WDR72: variants seen among roughly 807,000 people sequenced by gnomAD.
WDR72 encodes the protein WD repeat-containing protein 72.
Under a neutral mutation model 124.2 loss-of-function variants are expected in WDR72, and 120 were observed. The observed-to-expected ratio is 0.97, with a 90% CI of 0.83 to 1.12. The LOEUF (loss-of-function observed/expected upper bound fraction) is 1.12. Among genes scored for constraint, WDR72 ranks in the 50% most tolerant of loss-of-function variants. The pLI is 0.00. For synonymous variants in WDR72, 452 were observed against 441.7 expected (o/e 1.02, Z -0.29); for missense variants, 1,387 against 1,278.8 (o/e 1.08, Z -1.29).
At chr15:53,685,945 A>C (rs977275799) in intron 13 of WDR72, among the ~76,000 whole-genome samples, 1 of 142,344 alleles carries the variant, frequency 7.0e-6, no homozygotes, top group African/African-American at 2.7e-5. Context: ...CCAGAATTTC[A>C]TATCCAGCCA....
Position 53,530,331 on chromosome 15 carries a change from C to A in WDR72, c.3149-7009G>T, listed in dbSNP as rs187845232. On this transcript the variant is annotated intron_variant, in intron 18 of 19. Coordinates refer to ENST00000360509, the MANE Select transcript of WDR72 (RefSeq NM_182758.4). ...TACAGATAATGAAGAAAAAGAGATT[C>A]AGAAACATCTGAAAGGATCTGTTCA... Among the ~76,000 whole-genome samples the A allele has an allele frequency of 2.5e-4, 38 of 151,810 alleles. 1 individual carries two copies. The highest frequency in any genetic ancestry group is 8.7e-4 in the African/African-American group (36 of 41,462).
At chr15:53,525,493 GC>G (rs1324717591) in intron 18 of WDR72, among the ~76,000 whole-genome samples, 2 of 151,880 alleles carry the variant, frequency 1.3e-5, no homozygotes, top group Non-Finnish European at 2.9e-5. Flanking sequence ...TATTTATCAA[GC>G]ACCAAATAAA....
At chr15:53,659,238 A>G (rs1031755) in intron 14 of WDR72, among the ~76,000 whole-genome samples, 1 of 152,032 alleles carries the variant, frequency 6.6e-6, no homozygotes, top group African/African-American at 2.4e-5. Flanking sequence ...GAAAATAATT[A>G]AAATCTGTTT....
In WDR72 at chr15:53,515,528, T is replaced by A. The variant is rs1046613576; in HGVS notation, c.*2171A>T. The A allele has an allele frequency of 6.6e-6, 1 of 152,188 alleles. No individual in the cohort carries two copies. The highest frequency in any genetic ancestry group is 1.5e-5 in the Non-Finnish European group (1 of 68,030). The allele number at this position is 152,188 out of a possible 1,614,324, so 9.4% of individuals were successfully genotyped here. A position where few individuals can be genotyped will look rare whatever the true frequency, so the allele number is the denominator to read the frequency against. On this transcript the variant is annotated 3_prime_UTR_variant, in exon 20 of 20. Transcript: ENST00000360509. ...CATTGCTTGAATATCTCTAAAACTATTTTTAGGAATTAAAAGCTTTCATAG... is the reference window on the plus strand; with the variant it reads ...CATTGCTTGAATATCTCTAAAACTAATTTTAGGAATTAAAAGCTTTCATAG...
At chr15:53,707,516 G>A (rs28756095) in intron 9 of WDR72, among the ~76,000 whole-genome samples, 6,880 of 151,726 alleles carry the variant, frequency 0.045, 240 homozygotes, top group Non-Finnish European at 0.074. Context: ...GCATGATCTC[G>A]GCTCACTGCA....
Position 53,597,240 on chromosome 15 carries a change from T to C in WDR72, c.2987A>G (p.Glu996Gly). ...TEAIQAVLLAEVQQHMKSLGK... is the reference protein window; with the variant it reads ...TEAIQAVLLAGVQQHMKSLGK... Reference sequence around the variant, plus strand: ...CAAACTCTTCATGTGTTGTTGAACTTCCGCCAAGAGAACAGCTTGTATTGC... The same window carrying C: ...CAAACTCTTCATGTGTTGTTGAACTCCCGCCAAGAGAACAGCTTGTATTGC... Residue 996 changes from glutamate (E) to glycine (G), a missense_variant, in exon 18 of 20, where the codon GAA becomes GGA. Coordinates refer to ENST00000360509, the MANE Select transcript of WDR72 (RefSeq NM_182758.4). 2.5e-6 allele frequency: 4 copies of C among 1,613,842 alleles called. No individual in the cohort carries two copies. Among genetic ancestry groups the C allele is most frequent in the Non-Finnish European group, 3.4e-6 (4 of 1,179,848 alleles).
chr15:53,608,395 G>T (rs2013381023), intron 17 of WDR72, among the ~76,000 whole-genome samples: 1 of 152,172 alleles, frequency 6.6e-6, no homozygotes, highest in Non-Finnish European at 1.5e-5. Flanking sequence ...AGATCATTAT[G>T]TTAAGTGAAA....
chr15:53,674,119 A>T (rs1203010200), intron 13 of WDR72, among the ~76,000 whole-genome samples: 3 of 152,234 alleles, frequency 2.0e-5, no homozygotes, highest in Non-Finnish European at 4.4e-5. Flanking sequence ...TTATAGAATT[A>T]GGTCTTTTCC....
At chr15:53,722,647 C>A (rs1233086363) in intron 3 of WDR72, among the ~76,000 whole-genome samples, 155 bp downstream of exon 3, 1 of 152,208 alleles carries the variant, frequency 6.6e-6, no homozygotes, top group Non-Finnish European at 1.5e-5. Context: ...GATCATCACA[C>A]AAGTTATTCA....
chr15:53,602,531 G>T (rs2013089510), intron 17 of WDR72, among the ~76,000 whole-genome samples: 1 of 151,322 alleles, frequency 6.6e-6, no homozygotes, highest in African/African-American at 2.4e-5. Flanking sequence ...CTATTCAAGA[G>T]ATCAACAAAC....
At chr15:53,517,819 C>A in intron 19 of WDR72, 65 bp from the exon 20 acceptor site, 1 of 1,470,062 alleles carries the variant, frequency 6.8e-7, no homozygotes, top group Non-Finnish European at 9.5e-7. Context: ...AGAGAAAGAC[C>A]AAGAGGAGGG....
chr15:53,739,642 G>C (rs899484296), intron 1 of WDR72, among the ~76,000 whole-genome samples: 1 of 152,024 alleles, frequency 6.6e-6, no homozygotes, highest in Non-Finnish European at 1.5e-5. Context: ...ACATGGGCGT[G>C]TTTTAACATT....
intron 14 of WDR72, among the ~76,000 whole-genome samples, chr15:53,625,770 G>C (rs1156980189): frequency 1.4e-5 from 2 of 146,644 alleles, no homozygotes; most frequent in Non-Finnish European, 3.0e-5. Flanking sequence ...ATATAAAAAG[G>C]AAAAACAGAA....
At position 53,693,859 on chromosome 15, in the gene WDR72, T is replaced by A. The variant is rs560396233; in HGVS notation, c.1765+5891A>T. Among the ~76,000 whole-genome samples the A allele has an allele frequency of 2.7e-4, 41 of 152,330 alleles. 2 individuals are homozygous for A. In the South Asian group the frequency reaches 8.5e-3, roughly 32 times the overall value. ...AATGTTTGTTTTAAAACTTGGAGTG[T>A]GTTTTCCTACAGAAACCACGTCATA... On this transcript the variant is annotated intron_variant, in intron 13 of 19. Coordinates refer to ENST00000360509, the MANE Select transcript of WDR72 (RefSeq NM_182758.4).
intron 14 of WDR72, among the ~76,000 whole-genome samples, chr15:53,647,992 A>G (rs1288075123): frequency 6.6e-6 from 1 of 152,068 alleles, no homozygotes; most frequent in Non-Finnish European, 1.5e-5. Flanking sequence ...GTGATTTCTC[A>G]TGCTTACGTG....
At chr15:53,702,069 T>C in intron 12 of WDR72, 65 bp downstream of exon 12, 1 of 1,244,518 alleles carries the variant, frequency 8.0e-7, no homozygotes, top group Non-Finnish European at 1.1e-6. Context: ...TTACTTGTCT[T>C]ATTAAGTATT....
chr15:53,619,298 A>G, intron 14 of WDR72, among the ~76,000 whole-genome samples: 1 of 134,840 alleles, frequency 7.4e-6, no homozygotes, highest in South Asian at 2.2e-4. Flanking sequence ...GTGTGTATGA[A>G]ATGTGATCAG....
intron 18 of WDR72, among the ~76,000 whole-genome samples, chr15:53,525,170 G>C (rs1326136907): frequency 6.6e-6 from 1 of 151,984 alleles, no homozygotes; most frequent in African/African-American, 2.4e-5. Flanking sequence ...TGAATCCATA[G>C]ATTTTTTGTG....
intron 18 of WDR72, among the ~76,000 whole-genome samples, chr15:53,554,820 A>ACTC (rs1893866767): frequency 6.6e-6 from 1 of 152,292 alleles, no homozygotes; most frequent in Non-Finnish European, 1.5e-5. Context: ...CTCACTACAA[A>ACTC]CTCACGTAGA....
Sources: gnomAD v4.1 joint callset for allele counts (sites outside exome capture counted in the v4.1 genomes callset) on GRCh38, gnomAD v4.1.1 for gene constraint, MANE v1.5 for transcripts, NCBI Gene and HGNC (gene_info 2026-07-23, HGNC 2026-07-21) for gene names.